Variants in FIBCD1 observed in about 807,000 individuals in gnomAD.
FIBCD1 encodes fibrinogen C domain containing 1, also known as fibrinogen C domain-containing protein 1.
In FIBCD1, 47 loss-of-function variants were observed where a neutral mutation model predicts 45.1. The observed-to-expected ratio is 1.04, with a 90% CI of 0.82 to 1.33. FIBCD1 has a LOEUF of 1.33. Among genes scored for constraint, FIBCD1 ranks in the 40% most tolerant of loss-of-function variants. The pLI is 0.00. For missense variants in FIBCD1, 653 were observed against 682.2 expected (o/e 0.96, Z 0.48); for synonymous variants, 313 against 308.1 (o/e 1.02, Z -0.17).
At chr9:130,906,736 G>A (rs1246979706) in intron 5 of FIBCD1, among the ~76,000 whole-genome samples, 1 of 152,228 alleles carries the variant, frequency 6.6e-6, no homozygotes, top group East Asian at 1.9e-4. Context: ...CATGACAACA[G>A]CCGCCACCTG....
At chr9:130,912,885 C>T (rs912465261) in intron 4 of FIBCD1, among the ~76,000 whole-genome samples, 2 of 152,052 alleles carry the variant, frequency 1.3e-5, no homozygotes, top group Non-Finnish European at 2.9e-5. Context: ...GAACCAAGAG[C>T]ACCCCCCACA....
chr9:130,928,172 A>G (rs1246536970), intron 2 of FIBCD1, among the ~76,000 whole-genome samples: 1 of 152,124 alleles, frequency 6.6e-6, no homozygotes, highest in Non-Finnish European at 1.5e-5. Context: ...CAAATCAAAC[A>G]TTTTTGGGGA....
At chr9:130,909,156 C>G (rs1040922147) in intron 5 of FIBCD1, among the ~76,000 whole-genome samples, 1 of 152,078 alleles carries the variant, frequency 6.6e-6, no homozygotes, top group East Asian at 1.9e-4. Context: ...GATGTCCACA[C>G]CCTTCTCACC....
In FIBCD1 at chr9:130,905,334, C is replaced by T. The variant is rs150732758; in HGVS notation, c.1026G>A (p.Thr342=). 515 of 1,613,974 alleles carry T rather than the reference C, an allele frequency of 3.2e-4. No individual in the cohort carries two copies. Among genetic ancestry groups the T allele is most frequent in the Non-Finnish European group, 4.0e-4 (476 of 1,179,980 alleles). The change falls in exon 6 of 7, where the codon ACG becomes ACA. Residue 342 remains threonine, a synonymous_variant. Coordinates refer to ENST00000372338, the MANE Select transcript of FIBCD1 (RefSeq NM_032843.5). ...CGAAGCTCCCGTAGCGGGCATAGGC[C>T]GTGCCATTCTCAAAGTCCTCCAGGT... is the stretch of plus-strand genomic sequence containing the variant. ...HVDLEDFENG[T]AYARYGSFGV...
rs373283899 is a variant in FIBCD1 at position 130,924,334 on chromosome 9, A to G, written c.615T>C (p.Asp205=). Reference sequence around the variant, plus strand: ...CCAGCCCCCGGTCCCTCTGCAGGGCATCCAGGATGTCGCTGACGGAGTTCA... The same window carrying G: ...CCAGCCCCCGGTCCCTCTGCAGGGCGTCCAGGATGTCGCTGACGGAGTTCA... The part of the protein sequence containing the change: ...HLVNSVSDIL[D]ALQRDRGLGR... Residue 205 remains aspartate, a synonymous_variant, in exon 3 of 7, where the codon GAT becomes GAC. Transcript: ENST00000372338. 3 of 1,608,532 alleles carry G rather than the reference A, an allele frequency of 1.9e-6. No individual in the cohort carries two copies. The highest frequency in any genetic ancestry group is 2.5e-6 in the Non-Finnish European group (3 of 1,178,742).
At position 130,905,424 on chromosome 9, in the gene FIBCD1, G is replaced by A; in HGVS notation, c.947-11C>T. 6.2e-7 allele frequency: 1 copy of A among 1,601,454 alleles called. No individual in the cohort carries two copies. The highest frequency in any genetic ancestry group is 1.7e-4 in the Middle Eastern group (1 of 6,012). ...GGATCCTCTTGAGCCCTGAAGTTGGGGGGAAAATGGTGGGAGAAGCTGAGG... is the reference window on the plus strand; with the variant it reads ...GGATCCTCTTGAGCCCTGAAGTTGGAGGGAAAATGGTGGGAGAAGCTGAGG... On this transcript the variant is annotated splice_polypyrimidine_tract_variant and intron_variant, in intron 5 of 6. Coordinates refer to ENST00000372338, the MANE Select transcript of FIBCD1 (RefSeq NM_032843.5).
intron 1 of FIBCD1, among the ~76,000 whole-genome samples, chr9:130,931,623 CCAGAGCGT>C (rs993762949): frequency 5.3e-5 from 8 of 152,378 alleles, no homozygotes; most frequent in African/African-American, 1.9e-4. Context: ...AGCGGAGGTG[CCAGAGCGT>C]GGCCGCACAC....
At chr9:130,932,327 G>C (rs1832455828) in intron 1 of FIBCD1, among the ~76,000 whole-genome samples, 1 of 152,232 alleles carries the variant, frequency 6.6e-6, no homozygotes, top group Non-Finnish European at 1.5e-5. Context: ...CCCCGGGAAA[G>C]AGATCTGCTT....
Position 130,938,501 on chromosome 9 carries a change from C to A in FIBCD1, c.72+35G>T, listed in dbSNP as rs986421714. The A allele has an allele frequency of 4.8e-6, 7 of 1,463,470 alleles. No homozygotes were observed. The African/African-American group carries it at 8.9e-5, about 19-fold the overall frequency. The allele number at this position is 1,463,470 out of a possible 1,614,324, so 90.7% of individuals were successfully genotyped here. On this transcript the variant is annotated intron_variant, in intron 1 of 6. Coordinates refer to ENST00000372338, the MANE Select transcript of FIBCD1 (RefSeq NM_032843.5). ...GCCCGAGCGGCCACCGCCTGGCCAG[C>A]CGCCCAGGCCCCGTGTCCCAGCGCC...
chr9:130,926,109 A>T lies in FIBCD1; in HGVS notation c.553-1713T>A, dbSNP rs1474671280. ...CTGGGCACGCCCCACAGAGGGACACAGGCAGCACACCCCAACCGGGGCAGG... is the reference window on the plus strand; with the variant it reads ...CTGGGCACGCCCCACAGAGGGACACTGGCAGCACACCCCAACCGGGGCAGG... On this transcript the variant is annotated intron_variant, in intron 2 of 6. Coordinates refer to ENST00000372338, the MANE Select transcript of FIBCD1 (RefSeq NM_032843.5). The surrounding 1 kb of genome is among the most constrained non-coding windows in gnomAD (Gnocchi z 4.1). Among the ~76,000 whole-genome samples, 1 of 152,174 alleles carries T rather than the reference A, an allele frequency of 6.6e-6. No homozygotes were observed. The highest frequency in any genetic ancestry group is 6.5e-5 in the Admixed American group (1 of 15,284).
intron 6 of FIBCD1, among the ~76,000 whole-genome samples, chr9:130,904,634 C>T (rs1831895341): frequency 6.7e-6 from 1 of 150,032 alleles, no homozygotes; most frequent in Non-Finnish European, 1.5e-5. Context: ...CGCTCCTCGG[C>T]CTGAGAGGGG....
intron 1 of FIBCD1, among the ~76,000 whole-genome samples, chr9:130,936,624 G>A (rs2133128995): frequency 6.6e-6 from 1 of 152,386 alleles, no homozygotes; most frequent in Admixed American, 6.5e-5. Context: ...TCCCCAGAAG[G>A]CACCTCCCCT....
chr9:130,911,440 GTCC>G (rs1267958145), intron 5 of FIBCD1, among the ~76,000 whole-genome samples: 2 of 152,150 alleles, frequency 1.3e-5, no homozygotes, highest in African/African-American at 2.4e-5. Context: ...GTCCTCCTCT[GTCC>G]TCCTGCTGCC....
At chr9:130,905,990 G>A (rs1351101120) in intron 5 of FIBCD1, among the ~76,000 whole-genome samples, 1 of 152,152 alleles carries the variant, frequency 6.6e-6, no homozygotes, top group East Asian at 1.9e-4. Flanking sequence ...CCACCAGTGC[G>A]GAATTCCCGT....
intron 4 of FIBCD1, among the ~76,000 whole-genome samples, chr9:130,915,758 G>A (rs991953123): frequency 4.4e-4 from 67 of 152,312 alleles, no homozygotes; most frequent in African/African-American, 5.5e-4. Flanking sequence ...CACTTTTAAC[G>A]TGTGCAGTGA....
rs202209989 is a variant in FIBCD1 at position 130,924,239 on chromosome 9, G to T, written c.710C>A (p.Thr237Asn). The change falls in exon 3 of 7, where the codon ACT (threonine) becomes AAT (asparagine). Residue 237 changes from threonine to asparagine, a missense_variant and splice_region_variant. By Grantham distance (65) the Thr-to-Asn change is moderately conservative. Coordinates refer to ENST00000372338, the MANE Select transcript of FIBCD1 (RefSeq NM_032843.5). ...ARGTRPRGCA[T>N]GSRPRDCLDV... ...AAGGCAGGCCCTGCCCCACTCACCA[G>T]TGGCACAGCCCCGGGGCCGGGTTCC... 1.7e-5 allele frequency: 27 copies of T among 1,590,384 alleles called. No individual in the cohort carries two copies. In the Admixed American group the frequency reaches 2.8e-4, roughly 16 times the overall value.
chr9:130,932,007 C>T (rs1196833861), intron 1 of FIBCD1, among the ~76,000 whole-genome samples: 2 of 152,240 alleles, frequency 1.3e-5, no homozygotes, highest in Non-Finnish European at 2.9e-5. Context: ...ATCTGGAGGA[C>T]ATTTTTTTCC....
In FIBCD1 at chr9:130,920,888, C is replaced by T. The variant is rs1407553059; in HGVS notation, c.849+2856G>A. On this transcript the variant is annotated intron_variant, in intron 4 of 6. Coordinates refer to ENST00000372338, the MANE Select transcript of FIBCD1 (RefSeq NM_032843.5). The stretch of plus-strand genomic sequence containing the variant: ...CTGGGAGCCCGCTGAGCTGTCTCGT[C>T]GCTGCTGACCTCCCTGACCCCGGCT... Among the ~76,000 whole-genome samples, 4 of 152,310 alleles carry T rather than the reference C, an allele frequency of 2.6e-5. No homozygotes were observed. The East Asian group carries it at 5.8e-4, about 22-fold the overall frequency.
chr9:130,911,630 A>C (rs1832050213), intron 5 of FIBCD1, among the ~76,000 whole-genome samples, 162 bp downstream of exon 5: 1 of 152,194 alleles, frequency 6.6e-6, no homozygotes, highest in Admixed American at 6.5e-5. Flanking sequence ...ATTCCTTCTG[A>C]ATGCCTGTCA....
Sources: allele counts gnomAD v4.1 joint callset (sites outside exome capture counted in the v4.1 genomes callset), GRCh38; gene constraint gnomAD v4.1.1; non-coding constraint Gnocchi (gnomAD v3.1); transcripts MANE v1.5; gene names NCBI Gene and HGNC (gene_info 2026-07-23, HGNC 2026-07-21).